Variants in RBFOX1 observed in about 807,000 individuals in gnomAD.
RBFOX1 encodes RNA binding protein fox-1 homolog 1.
Under a neutral mutation model 57.7 loss-of-function variants are expected in RBFOX1, and 8 were observed. The observed-to-expected ratio is 0.14, with a 90% CI of 0.08 to 0.25. The LOEUF (loss-of-function observed/expected upper bound fraction) is 0.25. RBFOX1 is among the 10% of genes least tolerant of loss of function. The pLI is 1.00. For missense variants in RBFOX1, 611 were observed against 548.5 expected, an observed-to-expected ratio of 1.11 and a Z score of -1.14; for synonymous variants, 326 against 222.4, an observed-to-expected ratio of 1.47 and a Z score of -4.15.
At chr16:6,274,204 T>G (rs948567026) in intron 1 of RBFOX1, among the ~76,000 whole-genome samples, 1 of 152,186 alleles carries the variant, frequency 6.6e-6, no homozygotes, top group Non-Finnish European at 1.5e-5. Context: ...TCCTGGGCAT[T>G]TATTCCAGAG....
At chr16:7,169,446 A>G (rs1377915352) in intron 4 of RBFOX1, among the ~76,000 whole-genome samples, 2 of 152,208 alleles carry the variant, frequency 1.3e-5, no homozygotes, top group Non-Finnish European at 2.9e-5. Context: ...GACCTAGGGT[A>G]TCTGCTAGAT....
At chr16:5,721,304 C>T (rs990589650) in intron 3 of RBFOX1, among the ~76,000 whole-genome samples, 1 of 152,118 alleles carries the variant, frequency 6.6e-6, no homozygotes, top group Admixed American at 6.5e-5. Flanking sequence ...ATCTTATATC[C>T]TGCTACTTTG....
chr16:6,118,378 G>C (rs1415884978), intron 1 of RBFOX1, among the ~76,000 whole-genome samples: 1 of 152,090 alleles, frequency 6.6e-6, no homozygotes, highest in Non-Finnish European at 1.5e-5. Context: ...TATAGTTATG[G>C]AGGATGGAAA....
chr16:7,084,949 T>C (rs77675311), intron 4 of RBFOX1, among the ~76,000 whole-genome samples: 4,415 of 152,202 alleles, frequency 0.029, 221 homozygotes, highest in African/African-American at 0.1. Flanking sequence ...CATCTATTCA[T>C]CTATCTATGT....
intron 4 of RBFOX1, among the ~76,000 whole-genome samples, chr16:7,337,527 G>C (rs1244472664): frequency 6.6e-6 from 1 of 152,166 alleles, no homozygotes; most frequent in African/African-American, 2.4e-5. Flanking sequence ...TTTAAACATA[G>C]ATCTCAAGAG....
intron 3 of RBFOX1, among the ~76,000 whole-genome samples, chr16:6,995,683 C>G (rs73534912): frequency 0.081 from 12,327 of 152,050 alleles, 678 homozygotes; most frequent in East Asian, 0.25. Flanking sequence ...TCACTTGAAC[C>G]TGGGAGCACA....
intron 1 of RBFOX1, among the ~76,000 whole-genome samples, chr16:5,330,700 C>T (rs1468405015): frequency 6.6e-6 from 1 of 151,238 alleles, no homozygotes. Flanking sequence ...CCAGTTTGCC[C>T]AGCCTACTTT....
chr16:7,573,304 C>A (rs1469913080), intron 5 of RBFOX1, among the ~76,000 whole-genome samples: 2 of 152,126 alleles, frequency 1.3e-5, no homozygotes, highest in African/African-American at 4.8e-5. Flanking sequence ...AAGTGGGAGG[C>A]AGTCACAGCC....
chr16:6,821,391 A>T (rs1250786611), intron 3 of RBFOX1, among the ~76,000 whole-genome samples: 1 of 152,224 alleles, frequency 6.6e-6, no homozygotes, highest in African/African-American at 2.4e-5. Context: ...AAAAAATTTC[A>T]TTGAGGTGTA....
chr16:7,480,376 G>C (rs1417322374), intron 4 of RBFOX1, among the ~76,000 whole-genome samples: 1 of 152,198 alleles, frequency 6.6e-6, no homozygotes, highest in Non-Finnish European at 1.5e-5. Flanking sequence ...AGAGGGTTAA[G>C]AGAGATAACA....
chr16:6,326,269 C>G (rs2082358697), intron 2 of RBFOX1, among the ~76,000 whole-genome samples: 1 of 152,120 alleles, frequency 6.6e-6, no homozygotes, highest in Non-Finnish European at 1.5e-5. Context: ...TGGATTCTCG[C>G]TAGGTACTGA....
At chr16:5,608,648 G>C (rs1456159741) in intron 3 of RBFOX1, among the ~76,000 whole-genome samples, 2 of 152,196 alleles carry the variant, frequency 1.3e-5, no homozygotes, top group African/African-American at 2.4e-5. Flanking sequence ...GATTATTTCA[G>C]CTCTGTCCAG....
At chr16:7,165,775 C>G (rs2079351282) in intron 4 of RBFOX1, among the ~76,000 whole-genome samples, 1 of 151,970 alleles carries the variant, frequency 6.6e-6, no homozygotes, top group South Asian at 2.1e-4. Context: ...AATTCTTAGA[C>G]CTGTGACTCT....
intron 1 of RBFOX1, among the ~76,000 whole-genome samples, chr16:5,417,847 G>T (rs987717698): frequency 3.3e-5 from 5 of 152,172 alleles, no homozygotes; most frequent in African/African-American, 1.2e-4. Flanking sequence ...TTGAGAGGCC[G>T]AGGTGGGTGG....
rs144694813 is a variant in RBFOX1, at chr16:6,525,487, T to C, written c.-63-129116T>C. On this transcript the variant is annotated intron_variant, in intron 2 of 15. Transcript: ENST00000550418. ...TGTTTGTGCTCAAGTCAGGAGCAAA[T>C]GCATGTTTCACTTTGTTGGTTGGTG... 3.1e-3 allele frequency among the ~76,000 whole-genome samples: 466 copies of C among 152,334 alleles called. 2 individuals are homozygous for C. The highest frequency in any genetic ancestry group is 0.011 in the African/African-American group (451 of 41,580).
At chr16:5,576,685 T>C (rs1298045858) in intron 2 of RBFOX1, among the ~76,000 whole-genome samples, 1 of 152,236 alleles carries the variant, frequency 6.6e-6, no homozygotes, top group Admixed American at 6.5e-5. Context: ...CTTTGGTGCT[T>C]CTTGCCTTTC....
Position 5,970,061 on chromosome 16 carries a change from G to C in RBFOX1, c.351+102726G>C, listed in dbSNP as rs576697246. Among the ~76,000 whole-genome samples the C allele has an allele frequency of 2.0e-5, 3 of 152,206 alleles. No homozygotes were observed. The South Asian group carries it at 6.2e-4, about 32-fold the overall frequency. On this transcript the variant is annotated intron_variant, in intron 4 of 19. Transcript: ENST00000641259. Reference sequence around the variant, plus strand: ...TCTTCAGATTGGCACTCTACACATTGCTGCCACTGCCTCTTGGTCACGATG... The same window carrying C: ...TCTTCAGATTGGCACTCTACACATTCCTGCCACTGCCTCTTGGTCACGATG...
At chr16:7,404,148 G>A (rs992881442) in intron 4 of RBFOX1, among the ~76,000 whole-genome samples, 1 of 151,490 alleles carries the variant, frequency 6.6e-6, no homozygotes, top group Non-Finnish European at 1.5e-5. Context: ...CACCTCCCAG[G>A]TTCAAGCGAT....
intron 4 of RBFOX1, among the ~76,000 whole-genome samples, chr16:5,896,972 A>AAATCATAAG (rs2058180624): frequency 6.8e-6 from 1 of 147,012 alleles, no homozygotes; most frequent in South Asian, 2.1e-4. Context: ...TATTTTTTTA[A>AAATCATAAG]AATCATAAGG....
Sources: gnomAD v4.1 joint callset for allele counts (sites outside exome capture counted in the v4.1 genomes callset) on GRCh38, gnomAD v4.1.1 for gene constraint, MANE v1.5 for transcripts, NCBI Gene and HGNC (gene_info 2026-07-23, HGNC 2026-07-21) for gene names.